NCOA2: variants seen among roughly 807,000 people sequenced by gnomAD.
NCOA2 encodes the protein class E basic helix-loop-helix protein 75.
Under a neutral mutation model 145.1 loss-of-function variants are expected in NCOA2, and 21 were observed. The ratio of observed to expected loss-of-function variants is 0.14; its 90% CI spans 0.10 to 0.21. The LOEUF is 0.21. NCOA2 is among the 10% of genes least tolerant of loss of function. The pLI is 1.00. For missense variants in NCOA2, 1,472 were observed against 1,837.6 expected, an observed-to-expected ratio of 0.80 and a Z score of 3.64; for synonymous variants, 619 against 637.5, an observed-to-expected ratio of 0.97 and a Z score of 0.44.
intron 1 of NCOA2, among the ~76,000 whole-genome samples, chr8:70,367,273 T>C (rs1464851576): frequency 1.3e-5 from 2 of 152,232 alleles, no homozygotes; most frequent in African/African-American, 4.8e-5. Flanking sequence ...TTGCATTTCA[T>C]GAAAAGACAC....
chr8:70,374,415 T>C (rs1335701628), intron 1 of NCOA2, among the ~76,000 whole-genome samples: 1 of 149,552 alleles, frequency 6.7e-6, no homozygotes, highest in Non-Finnish European at 1.5e-5. Context: ...GAGGTTACAA[T>C]GAGCTAAGAT....
At chr8:70,275,503 A>G (rs1378659203) in intron 2 of NCOA2, among the ~76,000 whole-genome samples, 1 of 152,160 alleles carries the variant, frequency 6.6e-6, no homozygotes, top group African/African-American at 2.4e-5. Flanking sequence ...AGCAATACAA[A>G]TGATCAACTC....
chr8:70,243,087 G>T (rs2134499845), intron 2 of NCOA2, among the ~76,000 whole-genome samples: 1 of 151,738 alleles, frequency 6.6e-6, no homozygotes, highest in East Asian at 2.0e-4. Context: ...TGTTTGTTTA[G>T]ATAACTCAAT....
In NCOA2 at chr8:70,112,451, A is replaced by G. The variant is rs1255684228; in HGVS notation, c.*1181T>C. ...CTTCGGCTTAGTCAGCACTGCTAAA[A>G]AACAAAATAAAAAACACATGGCAGA... On this transcript the variant is annotated 3_prime_UTR_variant, in exon 23 of 23. Coordinates refer to ENST00000452400, the MANE Select transcript of NCOA2 (RefSeq NM_006540.4). The G allele has an allele frequency of 5.1e-6, 1 of 198,004 alleles. No homozygotes were observed. The highest frequency in any genetic ancestry group is 7.9e-5 in the East Asian group (1 of 12,672). 12.3% of individuals were successfully genotyped at this position (198,004 alleles called of 1,614,324 possible).
chr8:70,285,974 T>TTCA (rs1826203837), intron 2 of NCOA2, among the ~76,000 whole-genome samples: 1 of 152,222 alleles, frequency 6.6e-6, no homozygotes, highest in Non-Finnish European at 1.5e-5. Flanking sequence ...CCTTAGTGTT[T>TTCA]TCAGCTAAAA....
intron 2 of NCOA2, among the ~76,000 whole-genome samples, chr8:70,281,199 CA>C (rs1378957219): frequency 1.7e-4 from 25 of 151,014 alleles, no homozygotes; most frequent in Admixed American, 5.3e-4. Context: ...ACTAAAAATA[CA>C]AAAATTAGCT....
intron 16 of NCOA2, 93 bp downstream of exon 16, chr8:70,131,744 A>G (rs1809131077): frequency 4.5e-6 from 6 of 1,333,450 alleles, no homozygotes; most frequent in Non-Finnish European, 6.1e-6. Context: ...ATATATTCTA[A>G]AAAGCAGACC....
intron 11 of NCOA2, among the ~76,000 whole-genome samples, chr8:70,153,747 C>T (rs977981136): frequency 6.6e-6 from 1 of 152,184 alleles, no homozygotes; most frequent in Non-Finnish European, 1.5e-5. Flanking sequence ...TTACATTTCA[C>T]TTTATTCAAG....
At chr8:70,363,636 C>G (rs377683593) in intron 1 of NCOA2, among the ~76,000 whole-genome samples, 5 of 152,108 alleles carry the variant, frequency 3.3e-5, no homozygotes, top group African/African-American at 9.7e-5. Context: ...ATACACCCAA[C>G]AGCCAGACTC....
chr8:70,437,901 G>A, the NCOA2 span, among the ~76,000 whole-genome samples: 1 of 152,098 alleles, frequency 6.6e-6, no homozygotes, highest in South Asian at 2.1e-4. Context: ...CTAATTGATA[G>A]GATCCCCTTT....
intron 1 of NCOA2, among the ~76,000 whole-genome samples, chr8:70,350,328 T>C (rs986332259): frequency 1.3e-5 from 2 of 152,184 alleles, no homozygotes; most frequent in South Asian, 2.1e-4. Context: ...CACTGAAAAC[T>C]ATCTCACATG....
intron 22 of NCOA2, among the ~76,000 whole-genome samples, chr8:70,120,746 A>AACAAG: frequency 6.6e-6 from 1 of 152,136 alleles, no homozygotes; most frequent in Non-Finnish European, 1.5e-5. Flanking sequence ...AACAAAACAA[A>AACAAG]AAAACAAAAC....
the NCOA2 span, among the ~76,000 whole-genome samples, chr8:70,444,736 T>A: frequency 6.6e-6 from 1 of 152,222 alleles, no homozygotes; most frequent in Non-Finnish European, 1.5e-5. Context: ...AACCTGGGGC[T>A]GTTGTAAGAA....
Position 70,148,421 on chromosome 8 carries a change from T to C in NCOA2, c.2457A>G (p.Pro819=), listed in dbSNP as rs751149768. 6.2e-7 allele frequency: 1 copy of C among 1,613,888 alleles called. No homozygotes were observed. Among genetic ancestry groups the C allele is most frequent in the South Asian group, 1.1e-5 (1 of 91,076 alleles). Reference sequence around the variant, plus strand: ...CTGGCCTCGTGTCTGGGAAAAGCTGTGGTAATTGACTATTCTGCAAATCAT... The same window carrying C: ...CTGGCCTCGTGTCTGGGAAAAGCTGCGGTAATTGACTATTCTGCAAATCAT... ...ILDDLQNSQL[P]QLFPDTRPGA... The change falls in exon 12 of 23, where the codon CCA becomes CCG. Residue 819 remains proline (P), a synonymous_variant. Transcript: ENST00000452400.
intron 1 of NCOA2, among the ~76,000 whole-genome samples, chr8:70,344,736 C>T (rs1452760261): frequency 1.3e-5 from 2 of 152,144 alleles, no homozygotes; most frequent in Admixed American, 6.5e-5. Flanking sequence ...GCTCCAGCTA[C>T]AGTAAATGTC....
chr8:70,377,337 T>C (rs968463300), intron 1 of NCOA2, among the ~76,000 whole-genome samples: 2 of 151,976 alleles, frequency 1.3e-5, no homozygotes, highest in Admixed American at 1.3e-4. Context: ...CTCTTAACAA[T>C]TCTAACACAT....
chr8:70,298,548 G>A (rs1199421196), intron 1 of NCOA2, among the ~76,000 whole-genome samples: 1 of 152,148 alleles, frequency 6.6e-6, no homozygotes, highest in Non-Finnish European at 1.5e-5. Flanking sequence ...ACACTACTGG[G>A]ATAAATGTAT....
chr8:70,271,707 C>T (rs1229738694), intron 2 of NCOA2, among the ~76,000 whole-genome samples: 1 of 152,336 alleles, frequency 6.6e-6, no homozygotes, highest in East Asian at 1.9e-4. Context: ...TACAGGATGG[C>T]CAGGTCCTGC....
intron 2 of NCOA2, among the ~76,000 whole-genome samples, chr8:70,256,070 T>G (rs1823611276): frequency 6.6e-6 from 1 of 152,230 alleles, no homozygotes; most frequent in Non-Finnish European, 1.5e-5. Context: ...TTGACAGAAT[T>G]AACGAACTGA....
Sources: gnomAD v4.1 joint callset for allele counts (sites outside exome capture counted in the v4.1 genomes callset) on GRCh38, gnomAD v4.1.1 for gene constraint, MANE v1.5 for transcripts, NCBI Gene and HGNC (gene_info 2026-07-23, HGNC 2026-07-21) for gene names.